DOCK9: variants seen among roughly 807,000 people sequenced by gnomAD.
DOCK9 encodes the protein dedicator of cytokinesis protein 9.
A neutral mutation model predicts 263.3 loss-of-function variants in DOCK9; 89 were observed. The ratio of observed to expected loss-of-function variants is 0.34; its 90% CI spans 0.28 to 0.40. The LOEUF (loss-of-function observed/expected upper bound fraction) is 0.40. DOCK9 is among the 10% of genes least tolerant of loss of function. DOCK9 has a pLI of 1.00. For missense variants in DOCK9, 2,140 were observed against 2,603.4 expected (o/e 0.82, Z 3.87); for synonymous variants, 976 against 973.1 (o/e 1.00, Z -0.06).
chr13:99,002,857 A>C (rs1242032487), intron 1 of DOCK9, among the ~76,000 whole-genome samples: 3 of 152,168 alleles, frequency 2.0e-5, no homozygotes, highest in African/African-American at 7.2e-5. Flanking sequence ...TGTGATTTTA[A>C]ACAGTATTTA....
At chr13:98,966,389 C>T (rs764148049) in intron 1 of DOCK9, among the ~76,000 whole-genome samples, 3 of 152,180 alleles carry the variant, frequency 2.0e-5, no homozygotes, top group Admixed American at 6.5e-5. Flanking sequence ...ACAGTAGTCT[C>T]GGCTTCTAAT....
At chr13:98,990,479 C>A (rs1236079672) in intron 1 of DOCK9, among the ~76,000 whole-genome samples, 1 of 152,180 alleles carries the variant, frequency 6.6e-6, no homozygotes, top group Non-Finnish European at 1.5e-5. Flanking sequence ...ATAACACGTT[C>A]CCCAACAACT....
chr13:98,931,620 C>T (rs544326171), intron 2 of DOCK9, among the ~76,000 whole-genome samples: 9 of 150,308 alleles, frequency 6.0e-5, no homozygotes, highest in South Asian at 2.1e-4. Context: ...TTTTTTGAGA[C>T]GGAGTCTCTC....
chr13:98,829,816 C>A lies in DOCK9; in HGVS notation c.4636-60G>T. 6.9e-7 allele frequency: 1 copy of A among 1,449,880 alleles called. No homozygotes were observed. The highest frequency in any genetic ancestry group is 9.5e-7 in the Non-Finnish European group (1 of 1,055,074). The allele number at this position is 1,449,880 out of a possible 1,614,324, so 89.8% of individuals were successfully genotyped here. On this transcript the variant is annotated intron_variant, in intron 41 of 52. Transcript: ENST00000682017. This position sits in a 1 kb window ranked among gnomAD's most constrained non-coding sequence, Gnocchi z 4.1. ...CCTTCAAATGACTGCCCAGGCTGGG[C>A]TTCTGCGTTCAGTTAGGATGTGCCT...
intron 28 of DOCK9, 109 bp downstream of exon 28, chr13:98,868,122 C>T (rs2094089712): frequency 1.3e-6 from 2 of 1,530,366 alleles, no homozygotes; most frequent in Non-Finnish European, 1.8e-6. Context: ...AAAAAACATG[C>T]CATCAACATT....
intron 28 of DOCK9, 92 bp downstream of exon 28, chr13:98,868,139 G>T: frequency 1.3e-6 from 2 of 1,552,980 alleles, no homozygotes; most frequent in Non-Finnish European, 1.8e-6. Context: ...CATTGCCAGA[G>T]CACCTACTCT....
chr13:99,066,929 T>C (rs575969949), intron 1 of DOCK9, among the ~76,000 whole-genome samples: 2 of 152,326 alleles, frequency 1.3e-5, no homozygotes, highest in African/African-American at 4.8e-5. Flanking sequence ...CTCCCATGAA[T>C]AACAGCCATA....
chr13:98,950,397 T>G (rs777877706), intron 2 of DOCK9: 1 of 869,014 alleles, frequency 1.2e-6, no homozygotes, highest in Non-Finnish European at 1.8e-6. Flanking sequence ...CCTTCCTCTT[T>G]TTCAGATTTT....
chr13:98,862,793 C>T (rs759357449), intron 32 of DOCK9, among the ~76,000 whole-genome samples: 27 of 152,124 alleles, frequency 1.8e-4, no homozygotes, highest in Non-Finnish European at 2.2e-4. Context: ...CCACTACAAG[C>T]CAGAGAGCAC....
chr13:98,879,437 T>A (rs570227920), intron 27 of DOCK9, among the ~76,000 whole-genome samples: 11 of 152,218 alleles, frequency 7.2e-5, no homozygotes, highest in Non-Finnish European at 1.3e-4. Context: ...GATACTCCCA[T>A]CTAAGAATAA....
chr13:98,955,316 C>G, intron 2 of DOCK9, 119 bp downstream of exon 2: 1 of 677,366 alleles, frequency 1.5e-6, no homozygotes, highest in Non-Finnish European at 2.2e-6. Flanking sequence ...AAGACTGTGT[C>G]TCAAAAAAAA....
In DOCK9 at chr13:98,831,783, G is replaced by C; in HGVS notation, c.4318C>G (p.Gln1440Glu). ...LSLFTLAFKN[Q>E]LLADHGHNPL... ...TTATGTCCATGGTCGGCCAGGAGCT[G>C]GTTCTTAAAACACACATTGACGGCT... is the stretch of plus-strand genomic sequence containing the variant. The change falls in exon 40 of 53, where the codon CAG becomes GAG. Residue 1440 changes from glutamine to glutamate, a missense_variant. Gln to Glu is a conservative substitution (Grantham distance 29). Coordinates refer to ENST00000682017, the MANE Select transcript of DOCK9 (RefSeq NM_001366683.2). The C allele has an allele frequency of 6.2e-7, 1 of 1,613,506 alleles. No individual in the cohort carries two copies. The highest frequency in any genetic ancestry group is 8.5e-7 in the Non-Finnish European group (1 of 1,179,734).
chr13:98,850,366 G>A (rs2093527668), intron 35 of DOCK9, among the ~76,000 whole-genome samples: 1 of 152,098 alleles, frequency 6.6e-6, no homozygotes, highest in African/African-American at 2.4e-5. Context: ...GCTATATTCT[G>A]GCATAATGCT....
At chr13:99,051,070 C>T (rs780979912) in intron 1 of DOCK9, among the ~76,000 whole-genome samples, 2 of 152,320 alleles carry the variant, frequency 1.3e-5, no homozygotes, top group Middle Eastern at 3.4e-3. Flanking sequence ...CCCCTCCCCT[C>T]TCCATCCAGC....
intron 18 of DOCK9, among the ~76,000 whole-genome samples, chr13:98,887,143 ATT>A (rs58434344): frequency 9.0e-4 from 86 of 95,160 alleles, no homozygotes; most frequent in African/African-American, 3.0e-3. Context: ...ATATATATAT[ATT>A]TTTTTTTTTT....
At chr13:99,087,462 A>C (rs755133), upstream of DOCK9, among the ~76,000 whole-genome samples, 16,074 of 152,084 alleles carry the variant, frequency 0.11, 1,166 homozygotes, top group African/African-American at 0.21. Flanking sequence ...TCCGCGCCGG[A>C]CCGCCAGGCG....
intron 1 of DOCK9, among the ~76,000 whole-genome samples, chr13:99,033,927 A>AG (rs1021365387): frequency 7.2e-5 from 11 of 152,216 alleles, no homozygotes; most frequent in African/African-American, 2.7e-4. Flanking sequence ...GGCCAACTTC[A>AG]GGGGGTCTGT....
At chr13:98,977,381 C>T (rs1014769941) in intron 1 of DOCK9, among the ~76,000 whole-genome samples, 1 of 152,168 alleles carries the variant, frequency 6.6e-6, no homozygotes, top group Non-Finnish European at 1.5e-5. Context: ...CCAATGGGAC[C>T]TGCCTCATTT....
rs369890181 is a variant in DOCK9 at position 98,898,763 on chromosome 13, C to T, written c.1504-502G>A. Among the ~76,000 whole-genome samples, 232 of 152,322 alleles carry T rather than the reference C, an allele frequency of 1.5e-3. 8 individuals carry two copies. The South Asian group carries it at 0.045, about 30-fold the overall frequency. ...TATTAAGATACTGACTTCAGTTAGG[C>T]TGGGGTTCTCAATGCTATATTCTTG... On this transcript the variant is annotated intron_variant, in intron 13 of 52. Coordinates refer to ENST00000682017, the MANE Select transcript of DOCK9 (RefSeq NM_001366683.2).
Sources: allele counts gnomAD v4.1 joint callset (sites outside exome capture counted in the v4.1 genomes callset), GRCh38; gene constraint gnomAD v4.1.1; non-coding constraint Gnocchi (gnomAD v3.1); transcripts MANE v1.5; gene names NCBI Gene and HGNC (gene_info 2026-07-23, HGNC 2026-07-21).